Variants in PKHD1 observed in about 807,000 individuals in gnomAD.
PKHD1 encodes the protein PKHD1 ciliary IPT domain containing fibrocystin/polyductin, also known as fibrocystin.
A neutral mutation model predicts 412.0 loss-of-function variants in PKHD1; 291 were observed. The observed-to-expected ratio is 0.71, with a 90% CI of 0.64 to 0.78. PKHD1 has a LOEUF of 0.78. Among genes scored for constraint, PKHD1 ranks in the 30% least tolerant of loss-of-function variants. PKHD1 has a pLI of 0.00. For missense variants in PKHD1, 4,825 were observed against 4,950.7 expected (o/e 0.97, Z 0.76); for synonymous variants, 1,777 against 1,821.5 (o/e 0.98, Z 0.62).
At chr6:52,053,925 T>A (rs1031933851) in intron 20 of PKHD1, 113 bp downstream of exon 20, 1 of 1,055,972 alleles carries the variant, frequency 9.5e-7, no homozygotes, top group Non-Finnish European at 1.5e-6. Context: ...CCCAAATTAG[T>A]GTATGAGGCC....
intron 60 of PKHD1, among the ~76,000 whole-genome samples, chr6:51,663,414 C>T (rs774039021): frequency 6.6e-6 from 1 of 152,060 alleles, no homozygotes; most frequent in African/African-American, 2.4e-5. Context: ...CAAAAACAAT[C>T]ACTTCCTTTG....
intron 55 of PKHD1, among the ~76,000 whole-genome samples, chr6:51,757,497 T>C (rs1173967750): frequency 6.6e-6 from 1 of 152,138 alleles, no homozygotes; most frequent in Non-Finnish European, 1.5e-5. Flanking sequence ...TCTCTCATTC[T>C]TGAAAACTGA....
At chr6:51,773,017 G>A (rs1468466502) in intron 54 of PKHD1, among the ~76,000 whole-genome samples, 2 of 152,070 alleles carry the variant, frequency 1.3e-5, no homozygotes, top group South Asian at 2.1e-4. Context: ...AAAAAAGAAT[G>A]CTACACCACA....
At chr6:51,938,828 G>C (rs780733203) in intron 36 of PKHD1, among the ~76,000 whole-genome samples, 1 of 151,536 alleles carries the variant, frequency 6.6e-6, no homozygotes, top group Non-Finnish European at 1.5e-5. Context: ...TTTAAATCCG[G>C]TAAGCAGCCT....
chr6:51,991,458 A>G (rs922712375), intron 35 of PKHD1, among the ~76,000 whole-genome samples: 1 of 152,214 alleles, frequency 6.6e-6, no homozygotes, highest in Non-Finnish European at 1.5e-5. Flanking sequence ...TCTTCTTTTC[A>G]AAGGATAACC....
chr6:51,882,963 C>G, intron 46 of PKHD1, 130 bp downstream of exon 46: 1 of 744,164 alleles, frequency 1.3e-6, no homozygotes. Flanking sequence ...GGTCTTTTAA[C>G]TTTTACTAAT....
At chr6:51,772,873 G>A in intron 54 of PKHD1, 84 bp from the exon 55 acceptor site, 1 of 795,636 alleles carries the variant, frequency 1.3e-6, no homozygotes, top group Non-Finnish European at 2.3e-6. Context: ...TCCAGAGGCT[G>A]TTGTGCAAAA....
chr6:51,753,470 C>G lies in PKHD1; in HGVS notation c.8798-117G>C, dbSNP rs144137583. 8.3e-4 allele frequency: 690 copies of G among 827,474 alleles called. 4 individuals are homozygous for G. In the African/African-American group the frequency reaches 9.4e-3, roughly 11 times the overall value. The allele number at this position is 827,474 out of a possible 1,614,324, so 51.3% of individuals were successfully genotyped here. A position where few individuals can be genotyped will look rare whatever the true frequency, so the allele number is the denominator to read the frequency against. On this transcript the variant is annotated intron_variant, in intron 56 of 66. Transcript: ENST00000371117. ...CATCCTTTCCCCTCAGAAGTTCTAC[C>G]AACATTAAGGTCTGCTTTTCCTGGG...
At position 52,062,658 on chromosome 6, in the gene PKHD1, T is replaced by C; in HGVS notation, c.979A>G (p.Asn327Asp). The change falls in exon 14 of 67, where the codon AAT becomes GAT. Residue 327 changes from asparagine to aspartate, a missense_variant and splice_region_variant. Coordinates refer to ENST00000371117, the MANE Select transcript of PKHD1 (RefSeq NM_138694.4). ...DVRLTTPQPG[N>D]RGLLFEVGDA... is the part of the protein sequence containing the mutation. ...CCAACTTCAAAAAGAAGCCCTCGAT[T>C]GCCTGTAAGACATGTAGATCGCATA... 2.5e-6 allele frequency: 4 copies of C among 1,614,138 alleles called. No homozygotes were observed. Among genetic ancestry groups the C allele is most frequent in the Non-Finnish European group, 3.4e-6 (4 of 1,179,966 alleles).
At chr6:51,649,761 A>G (rs1770645522) in intron 61 of PKHD1, among the ~76,000 whole-genome samples, 1 of 152,208 alleles carries the variant, frequency 6.6e-6, no homozygotes, top group South Asian at 2.1e-4. Flanking sequence ...CTGTTTACAC[A>G]GAATAGCTCA....
intron 60 of PKHD1, among the ~76,000 whole-genome samples, chr6:51,726,581 G>A (rs1782599827): frequency 6.6e-6 from 1 of 151,976 alleles, no homozygotes; most frequent in African/African-American, 2.4e-5. Flanking sequence ...CCAGCTTCCT[G>A]GGCCAGCCCC....
At chr6:51,757,330 C>T (rs552045473) in intron 55 of PKHD1, among the ~76,000 whole-genome samples, 297 of 152,200 alleles carry the variant, frequency 2.0e-3, no homozygotes, top group Non-Finnish European at 3.5e-3. Context: ...TACATATACA[C>T]GATCACACAT....
intron 36 of PKHD1, among the ~76,000 whole-genome samples, chr6:51,944,234 G>A (rs1418886663): frequency 6.6e-6 from 1 of 150,858 alleles, no homozygotes; most frequent in Non-Finnish European, 1.5e-5. Context: ...AGCACTTTGT[G>A]ACCCCCACTC....
intron 35 of PKHD1, among the ~76,000 whole-genome samples, chr6:51,987,861 AG>A (rs1796402882): frequency 6.6e-6 from 1 of 152,138 alleles, no homozygotes; most frequent in Non-Finnish European, 1.5e-5. Flanking sequence ...CTCTGGAGGC[AG>A]TAACACAAAT....
chr6:52,071,493 T>C (rs916838225), intron 8 of PKHD1, among the ~76,000 whole-genome samples: 5 of 152,012 alleles, frequency 3.3e-5, no homozygotes, highest in African/African-American at 7.2e-5. Flanking sequence ...AGTGAAACCA[T>C]AGAGTATCAT....
intron 60 of PKHD1, among the ~76,000 whole-genome samples, chr6:51,666,155 G>T (rs773751041): frequency 2.1e-4 from 32 of 152,110 alleles, no homozygotes; most frequent in African/African-American, 3.4e-4. Flanking sequence ...TATACAATGT[G>T]AGGGAACCAT....
At chr6:51,649,440 G>A (rs753997631) in intron 61 of PKHD1, among the ~76,000 whole-genome samples, 1 of 151,800 alleles carries the variant, frequency 6.6e-6, no homozygotes, top group Non-Finnish European at 1.5e-5. Flanking sequence ...TAGGGGGTAG[G>A]GAAAATCACA....
intron 49 of PKHD1, among the ~76,000 whole-genome samples, chr6:51,849,762 T>C (rs1407980760): frequency 1.3e-5 from 2 of 152,216 alleles, no homozygotes; most frequent in Non-Finnish European, 2.9e-5. Flanking sequence ...CTTGTAAATA[T>C]GTTTAAGTTC....
At chr6:51,811,883 T>C (rs2151398032) in intron 52 of PKHD1, among the ~76,000 whole-genome samples, 2 of 152,328 alleles carry the variant, frequency 1.3e-5, no homozygotes, top group South Asian at 4.1e-4. Context: ...CTTGATATTT[T>C]GCTTTGTATA....
Sources: allele counts gnomAD v4.1 joint callset (sites outside exome capture counted in the v4.1 genomes callset), GRCh38; gene constraint gnomAD v4.1.1; transcripts MANE v1.5; gene names NCBI Gene and HGNC (gene_info 2026-07-23, HGNC 2026-07-21).